VAT1L: variants seen among roughly 807,000 people sequenced by gnomAD.
VAT1L encodes the protein putative NADPH-dependent quinone oxidoreductase VAT1L.
A neutral mutation model predicts 44.1 loss-of-function variants in VAT1L; 34 were observed. The ratio of observed to expected loss-of-function variants is 0.77; its 90% CI spans 0.59 to 1.03. The LOEUF (loss-of-function observed/expected upper bound fraction) is 1.03. Ranked by LOEUF, VAT1L falls within the 50% of genes least tolerant of loss-of-function variation. The pLI, the probability that VAT1L is intolerant of heterozygous loss-of-function variation, is 0.00. For missense variants in VAT1L, 615 were observed against 538.8 expected, an observed-to-expected ratio of 1.14 and a Z score of -1.40; for synonymous variants, 253 against 202.2, an observed-to-expected ratio of 1.25 and a Z score of -2.13.
intron 7 of VAT1L, among the ~76,000 whole-genome samples, chr16:77,970,603 A>C (rs1057086229): frequency 1.3e-5 from 2 of 152,178 alleles, no homozygotes; most frequent in African/African-American, 4.8e-5. Flanking sequence ...TATTTACTTA[A>C]TCATCCCCTT....
intron 2 of VAT1L, among the ~76,000 whole-genome samples, chr16:77,819,354 G>A (rs4541086): frequency 0.35 from 53,814 of 151,970 alleles, 9,970 homozygotes; most frequent in East Asian, 0.47. Flanking sequence ...CTGATGCACT[G>A]AAGATGATAT....
At chr16:77,951,975 C>T (rs188110466) in intron 7 of VAT1L, among the ~76,000 whole-genome samples, 1 of 152,046 alleles carries the variant, frequency 6.6e-6, no homozygotes, top group Admixed American at 6.5e-5. Flanking sequence ...GAGATAGTGG[C>T]AAAGTCCTAA....
intron 1 of VAT1L, among the ~76,000 whole-genome samples, chr16:77,794,546 A>G (rs923286247): frequency 6.6e-6 from 1 of 152,204 alleles, no homozygotes; most frequent in Admixed American, 6.5e-5. Context: ...GTTATCCCCA[A>G]ACAACAGAGC....
chr16:77,873,334 T>C (rs2017051906), intron 4 of VAT1L, among the ~76,000 whole-genome samples: 1 of 152,192 alleles, frequency 6.6e-6, no homozygotes, highest in Non-Finnish European at 1.5e-5. Context: ...CCTCATAGGC[T>C]TTTTGTGAGG....
chr16:77,813,278 A>G (rs531257690), intron 1 of VAT1L, among the ~76,000 whole-genome samples: 2 of 152,280 alleles, frequency 1.3e-5, no homozygotes, highest in East Asian at 3.9e-4. Flanking sequence ...TTATCTCTAA[A>G]CCAACAAAGT....
rs1481279471 is a variant in VAT1L, at chr16:77,879,442, C to T, written c.882+218C>T. Among the ~76,000 whole-genome samples, 1 of 152,232 alleles carries T rather than the reference C, an allele frequency of 6.6e-6. No homozygotes were observed. Among genetic ancestry groups the T allele is most frequent in the Non-Finnish European group, 1.5e-5 (1 of 68,052 alleles). On this transcript the variant is annotated intron_variant, in intron 6 of 8. Transcript: ENST00000302536. The surrounding 1 kb of genome is among the most constrained non-coding windows in gnomAD (Gnocchi z 4.1). ...AGTAGCTGGGATTACAGGCATGCGC[C>T]ACCATACCCAGCTAATTTTTGTATT...
intron 7 of VAT1L, among the ~76,000 whole-genome samples, chr16:77,926,905 C>A (rs2017675608): frequency 6.6e-6 from 1 of 152,092 alleles, no homozygotes; most frequent in African/African-American, 2.4e-5. Flanking sequence ...ATCGTGGCTA[C>A]CCCTGAAGTT....
chr16:77,954,996 G>A (rs768491063), intron 7 of VAT1L, among the ~76,000 whole-genome samples: 51 of 152,188 alleles, frequency 3.4e-4, no homozygotes, highest in Admixed American at 1.7e-3. Flanking sequence ...AAAAGCTAAT[G>A]TAACCACTTG....
chr16:77,969,547 T>G (rs1252062465), intron 7 of VAT1L, among the ~76,000 whole-genome samples: 3 of 151,950 alleles, frequency 2.0e-5, no homozygotes, highest in African/African-American at 7.3e-5. Flanking sequence ...GCTCACAACA[T>G]GGCAGTTTGA....
At chr16:77,842,126 A>T (rs938337133) in intron 3 of VAT1L, among the ~76,000 whole-genome samples, 1 of 152,086 alleles carries the variant, frequency 6.6e-6, no homozygotes, top group African/African-American at 2.4e-5. Context: ...TGACCTGGTG[A>T]TCTGCCTGCC....
chr16:77,908,502 C>T (rs1281836168), intron 7 of VAT1L, among the ~76,000 whole-genome samples: 3 of 147,422 alleles, frequency 2.0e-5, no homozygotes, highest in Admixed American at 6.8e-5. Context: ...CATCACAAGC[C>T]TCTTCATGAT....
intron 7 of VAT1L, among the ~76,000 whole-genome samples, chr16:77,897,465 G>A (rs537391258): frequency 3.3e-4 from 50 of 152,216 alleles, no homozygotes; most frequent in Non-Finnish European, 5.6e-4. Flanking sequence ...CAAAAAACTG[G>A]TTTTGTTTTT....
At chr16:77,949,486 G>T (rs1329737940) in intron 7 of VAT1L, among the ~76,000 whole-genome samples, 1 of 152,230 alleles carries the variant, frequency 6.6e-6, no homozygotes, top group East Asian at 1.9e-4. Context: ...AGTGTTGGAG[G>T]TGGGGACTAA....
At chr16:77,898,010 TG>T (rs1043713971) in intron 7 of VAT1L, among the ~76,000 whole-genome samples, 2 of 152,208 alleles carry the variant, frequency 1.3e-5, no homozygotes, top group African/African-American at 4.8e-5. Context: ...TCAAAGTGTC[TG>T]CAGGGTCTGT....
At chr16:77,906,139 CA>C (rs1213602304) in intron 7 of VAT1L, among the ~76,000 whole-genome samples, 1 of 152,178 alleles carries the variant, frequency 6.6e-6, no homozygotes, top group Non-Finnish European at 1.5e-5. Context: ...ATTCACTCAT[CA>C]AAAAGTTTGT....
At chr16:77,928,793 C>T (rs181469081) in intron 7 of VAT1L, among the ~76,000 whole-genome samples, 1 of 151,586 alleles carries the variant, frequency 6.6e-6, no homozygotes, top group African/African-American at 2.4e-5. Flanking sequence ...TCTTCTAAGT[C>T]ACTGTGCCAG....
intron 3 of VAT1L, among the ~76,000 whole-genome samples, chr16:77,835,739 G>T (rs2016632302): frequency 6.6e-6 from 1 of 152,092 alleles, no homozygotes; most frequent in African/African-American, 2.4e-5. Context: ...CAGGCGTGGT[G>T]GTGGATGCCT....
chr16:77,818,831 T>G (rs1337723111), intron 2 of VAT1L, among the ~76,000 whole-genome samples: 1 of 152,172 alleles, frequency 6.6e-6, no homozygotes, highest in East Asian at 1.9e-4. Flanking sequence ...GACACTAGTA[T>G]TCCATCTATA....
At chr16:77,938,851 A>C (rs947383942) in intron 7 of VAT1L, among the ~76,000 whole-genome samples, 4 of 152,186 alleles carry the variant, frequency 2.6e-5, no homozygotes, top group African/African-American at 7.2e-5. Context: ...AAACACAACA[A>C]ATCATTTTTT....
Sources: gnomAD v4.1 joint callset for allele counts (sites outside exome capture counted in the v4.1 genomes callset) on GRCh38, gnomAD v4.1.1 for gene constraint, Gnocchi (gnomAD v3.1) non-coding constraint, MANE v1.5 for transcripts, NCBI Gene and HGNC (gene_info 2026-07-23, HGNC 2026-07-21) for gene names.